C16orf92: variants seen among roughly 807,000 people sequenced by gnomAD.
C16orf92 encodes the protein fertilization-influencing membrane protein.
C16orf92 carries 14 observed loss-of-function variants against 13.7 expected under a neutral mutation model. The ratio of observed to expected loss-of-function variants is 1.02; its 90% CI spans 0.67 to 1.60. The LOEUF is 1.60. C16orf92 is among the 40% of genes most tolerant of loss of function. The pLI, the probability that C16orf92 is intolerant of heterozygous loss-of-function variation, is 0.00. For missense variants in C16orf92, 116 were observed against 139.0 expected, an observed-to-expected ratio of 0.83 and a Z score of 0.83; for synonymous variants, 50 against 57.4, an observed-to-expected ratio of 0.87 and a Z score of 0.58.
In C16orf92 at chr16:30,024,443, C is replaced by T. The variant is rs1406841954; in HGVS notation, c.*216C>T. ...GGGCCTTGGTGGCGTTCACGCAGAT[C>T]GTCTTTTATTAGCGGTCTGTAAAGC... On this transcript the variant is annotated 3_prime_UTR_variant, in exon 4 of 4. Transcript: ENST00000681219. 3 of 659,580 alleles carry T rather than the reference C, an allele frequency of 4.5e-6. No homozygotes were observed. Among genetic ancestry groups the T allele is most frequent in the South Asian group, 2.0e-5 (1 of 49,240 alleles). 40.9% of individuals were successfully genotyped at this position (659,580 alleles called of 1,614,324 possible). A position where few individuals can be genotyped will look rare whatever the true frequency, so the allele number is the denominator to read the frequency against.
chr16:30,025,715 T>G, downstream of C16orf92: 1 of 1,613,794 alleles, frequency 6.2e-7, no homozygotes, highest in South Asian at 1.1e-5. This position sits in a 1 kb window ranked among gnomAD's most constrained non-coding sequence, Gnocchi z 4.1. Context: ...CACCCTCCCA[T>G]GCTCACTCAC....
chr16:30,024,921 C>T, downstream of C16orf92: 1 of 438,920 alleles, frequency 2.3e-6, no homozygotes, highest in Non-Finnish European at 4.0e-6. Context: ...ACAAGCCCTC[C>T]TGCCCTCAGT....
chr16:30,025,915 G>A (rs1408878544), downstream of C16orf92: 2 of 955,530 alleles, frequency 2.1e-6, no homozygotes, highest in East Asian at 4.8e-5. The surrounding 1 kb of genome is among the most constrained non-coding windows in gnomAD (Gnocchi z 4.1). Context: ...CACTTTGGGA[G>A]ATGCTTGACT....
At chr16:30,025,520 T>C (rs568826732), downstream of C16orf92, 2 of 1,602,132 alleles carry the variant, frequency 1.2e-6, no homozygotes, top group Admixed American at 3.4e-5. This position sits in a 1 kb window ranked among gnomAD's most constrained non-coding sequence, Gnocchi z 4.1. Flanking sequence ...CGGCCCCCCT[T>C]GGCCCTCTCC....
Position 30,023,994 on chromosome 16 carries a change from A to T in C16orf92, c.224-5A>T. The T allele has an allele frequency of 6.2e-7, 1 of 1,611,864 alleles. No homozygotes were observed. ...GGGGAGTTAAGGGTCCTGTTTGTCT[A>T]GCAGGTTCCAGCCCCGGGCTCTTCC... On this transcript the variant is annotated splice_polypyrimidine_tract_variant and splice_region_variant and intron_variant, in intron 2 of 3. Coordinates refer to ENST00000681219, the MANE Select transcript of C16orf92 (RefSeq NM_001109659.2).
chr16:30,026,522 C>G, downstream of C16orf92: 1 of 1,203,662 alleles, frequency 8.3e-7, no homozygotes, highest in Non-Finnish European at 1.2e-6. Context: ...AGTACGCAGA[C>G]CCGGGGCTTC....
downstream of C16orf92, chr16:30,027,584 A>G (rs574013176): frequency 6.6e-6 from 3 of 456,076 alleles, no homozygotes; most frequent in East Asian, 2.1e-4. Flanking sequence ...TCTCTTGTCT[A>G]TTTTGTGTTG....
At chr16:30,023,459 T>C (rs2070945532) in intron 1 of C16orf92, 55 bp downstream of exon 1, 4 of 1,557,342 alleles carry the variant, frequency 2.6e-6, no homozygotes, top group East Asian at 4.5e-5. Flanking sequence ...GAGCATAAAG[T>C]GTGATGCCCA....
chr16:30,026,534 C>T (rs973627088), downstream of C16orf92: 3 of 1,358,862 alleles, frequency 2.2e-6, no homozygotes, highest in Non-Finnish European at 3.1e-6. Context: ...CGGGGCTTCC[C>T]AGGCTCCTGC....
downstream of C16orf92, chr16:30,025,659 C>T: frequency 6.5e-7 from 1 of 1,548,456 alleles, no homozygotes; most frequent in Non-Finnish European, 8.9e-7. This position sits in a 1 kb window ranked among gnomAD's most constrained non-coding sequence, Gnocchi z 4.1. Context: ...TTGGCAGCAA[C>T]CTTGAAGGTC....
chr16:30,023,609 C>T (rs931166680), intron 1 of C16orf92, 118 bp from the exon 2 acceptor site: 3 of 1,571,730 alleles, frequency 1.9e-6, no homozygotes, highest in African/African-American at 1.4e-5. Flanking sequence ...AATCAAGACC[C>T]TCCACAGCCT....
At position 30,023,345 on chromosome 16, in the gene C16orf92, G is replaced by A. The variant is rs1422079964; in HGVS notation, c.5G>A (p.Arg2Lys). The change falls in exon 1 of 4, where the codon AGG becomes AAG. Residue 2 changes from arginine (R) to lysine (K), a missense_variant. Physicochemically the swap from Arg to Lys is conservative, Grantham distance 26 (BLOSUM62 2). Coordinates refer to ENST00000681219, the MANE Select transcript of C16orf92 (RefSeq NM_001109659.2). MRLWPWVLVWVW... is the reference protein window; with the variant it reads MKLWPWVLVWVW... ...CCCCACCTCATGATAGGAGTCATGAGGCTGTGGCCATGGGTGCTGGTGTGG... is the reference window on the plus strand; with the variant it reads ...CCCCACCTCATGATAGGAGTCATGAAGCTGTGGCCATGGGTGCTGGTGTGG... The A allele has an allele frequency of 6.2e-7, 1 of 1,604,786 alleles. No individual in the cohort carries two copies. The highest frequency in any genetic ancestry group is 1.1e-5 in the South Asian group (1 of 89,154).
downstream of C16orf92, chr16:30,027,536 C>T (rs997948855): frequency 1.2e-4 from 54 of 454,542 alleles, no homozygotes; most frequent in Admixed American, 1.2e-3. Flanking sequence ...AGTGAGAGGT[C>T]TTGTCAGCGC....
chr16:30,025,683 T>C (rs974587649), downstream of C16orf92: 3 of 1,590,950 alleles, frequency 1.9e-6, no homozygotes, highest in Non-Finnish European at 1.7e-6. This position sits in a 1 kb window ranked among gnomAD's most constrained non-coding sequence, Gnocchi z 4.1. Context: ...CCCCTTCCTG[T>C]GACCTCCCCA....
rs375949256 is a variant in C16orf92 at position 30,023,440 on chromosome 16, C to A, written c.64+36C>A. The A allele has an allele frequency of 5.0e-6, 8 of 1,596,552 alleles. No homozygotes were observed. The Admixed American group carries it at 1.0e-4, about 21-fold the overall frequency. ...GTCTTGGGAGCAGCAGGAAGGCAGG[C>A]AGCTCTGGGAGCATAAAGTGTGATG... On this transcript the variant is annotated intron_variant, in intron 1 of 3. Coordinates refer to ENST00000681219, the MANE Select transcript of C16orf92 (RefSeq NM_001109659.2).
At chr16:30,026,461 C>A, downstream of C16orf92, 1 of 722,324 alleles carries the variant, frequency 1.4e-6, no homozygotes, top group Non-Finnish European at 2.3e-6. Context: ...CTCAGTGAAC[C>A]CTGCCTGTCC....
chr16:30,023,967 G>C, intron 2 of C16orf92, 32 bp from the exon 3 acceptor site: 1 of 1,597,178 alleles, frequency 6.3e-7, no homozygotes. Context: ...TGGGCCATCA[G>C]AGGGGAGTTA....
chr16:30,024,330 C>CTGCTCGCT lies in C16orf92; in HGVS notation c.*103_*104insTGCTCGCT. 2.8e-6 allele frequency: 4 copies of CTGCTCGCT among 1,445,796 alleles called. No homozygotes were observed. Among genetic ancestry groups the CTGCTCGCT allele is most frequent in the Non-Finnish European group, 3.8e-6 (4 of 1,051,574 alleles). The allele number at this position is 1,445,796 out of a possible 1,614,324, so 89.6% of individuals were successfully genotyped here. On this transcript the variant is annotated 3_prime_UTR_variant, in exon 4 of 4. Transcript: ENST00000681219. ...GCTTTCCTCCTCCCTGACTGCCCAG[C>CTGCTCGCT]GAGCAGCTGGGGATCCTGTCCCCTC...
chr16:30,024,540 G>C lies in C16orf92; in HGVS notation c.*313G>C. On this transcript the variant is annotated 3_prime_UTR_variant, in exon 4 of 4. Coordinates refer to ENST00000681219, the MANE Select transcript of C16orf92 (RefSeq NM_001109659.2). ...TCAGTAGCACCAGGGACATGGCAGGGCCCGAGGGCGCGATGTGCAGCCGAT... is the reference window on the plus strand; with the variant it reads ...TCAGTAGCACCAGGGACATGGCAGGCCCCGAGGGCGCGATGTGCAGCCGAT... 1 of 432,058 alleles carries C rather than the reference G, an allele frequency of 2.3e-6. No homozygotes were observed. The highest frequency in any genetic ancestry group is 4.1e-5 in the South Asian group (1 of 24,640). 26.8% of individuals were successfully genotyped at this position (432,058 alleles called of 1,614,324 possible).
Sources: gnomAD v4.1 joint callset for allele counts on GRCh38, gnomAD v4.1.1 for gene constraint, Gnocchi (gnomAD v3.1) non-coding constraint, MANE v1.5 for transcripts, NCBI Gene and HGNC (gene_info 2026-07-23, HGNC 2026-07-21) for gene names.